Variants in DYM observed in about 807,000 individuals in gnomAD.
DYM encodes the protein dymeclin, also known as dyggve-Melchior-Clausen syndrome protein.
DYM carries 78 observed loss-of-function variants against 93.1 expected under a neutral mutation model. The ratio of observed to expected loss-of-function variants is 0.84; its 90% CI spans 0.70 to 1.01. The LOEUF (loss-of-function observed/expected upper bound fraction) is 1.01. DYM is among the 50% of genes least tolerant of loss of function. The probability of loss-of-function intolerance (pLI) is 0.00; values close to 1 mark genes in which losing one functional copy is unlikely to be tolerated. For missense variants in DYM, 789 were observed against 845.0 expected (o/e 0.93, Z 0.82); for synonymous variants, 321 against 319.7 (o/e 1.00, Z -0.04).
At chr18:49,198,934 T>C (rs1295590430) in intron 14 of DYM, among the ~76,000 whole-genome samples, 1 of 151,946 alleles carries the variant, frequency 6.6e-6, no homozygotes, top group Non-Finnish European at 1.5e-5. Context: ...CACACGTATG[T>C]TTATTGCAGC....
intron 6 of DYM, among the ~76,000 whole-genome samples, chr18:49,351,357 C>T (rs901166162): frequency 1.3e-4 from 19 of 151,288 alleles, no homozygotes; most frequent in Non-Finnish European, 5.9e-5. Flanking sequence ...GGCAACAGAG[C>T]GAGACTCTGT....
chr18:49,159,269 T>C (rs2086814252), intron 15 of DYM, among the ~76,000 whole-genome samples: 1 of 152,162 alleles, frequency 6.6e-6, no homozygotes, highest in Non-Finnish European at 1.5e-5. Context: ...AGAATCTTAA[T>C]AATAGAACAA....
intron 13 of DYM, among the ~76,000 whole-genome samples, chr18:49,252,241 A>AAAAAAAAAAAAAAAAAAAAAAAAAAC (rs1568106559): frequency 6.7e-6 from 1 of 148,446 alleles, no homozygotes; most frequent in African/African-American, 2.5e-5. Flanking sequence ...AAAAAAAAAA[A>AAAAAAAAAAAAAAAAAAAAAAAAAAC]AGAACTGCCT....
At chr18:49,361,752 G>A (rs1448919623) in intron 6 of DYM, among the ~76,000 whole-genome samples, 2 of 151,900 alleles carry the variant, frequency 1.3e-5, no homozygotes, top group Admixed American at 6.6e-5. Context: ...ACGTAGTCTC[G>A]CTCTGTAGCC....
rs11429840 is a variant in DYM at position 49,432,329 on chromosome 18, C to CAA, written c.-53-1884_-53-1883dup. ...CTGGGCGACAAGAGCAAGACTGTCT[C>CAA]AAAAAAAAAAAAAAAAAAAGAAAGA... On this transcript the variant is annotated intron_variant, in intron 1 of 17. Transcript: ENST00000675505. Among the ~76,000 whole-genome samples, 130 of 75,700 alleles carry CAA rather than the reference C, an allele frequency of 1.7e-3. 1 individual carries two copies. Among genetic ancestry groups the CAA allele is most frequent in the East Asian group, 3.0e-3 (8 of 2,692 alleles). 49.7% of individuals were successfully genotyped at this position (75,700 alleles called of 152,430 possible).
At chr18:49,450,941 AAC>A in intron 1 of DYM, among the ~76,000 whole-genome samples, 1 of 152,220 alleles carries the variant, frequency 6.6e-6, no homozygotes, top group Non-Finnish European at 1.5e-5. Flanking sequence ...GCAGGTTTTT[AAC>A]AGCTTTGAAG....
chr18:49,353,897 C>G (rs1011532928), intron 6 of DYM, among the ~76,000 whole-genome samples: 1 of 152,018 alleles, frequency 6.6e-6, no homozygotes, highest in Admixed American at 6.6e-5. Flanking sequence ...CTGCAAGTTA[C>G]TTGGTAGTAA....
intron 15 of DYM, among the ~76,000 whole-genome samples, chr18:49,119,160 A>T (rs2082160496): frequency 6.6e-6 from 1 of 152,224 alleles, no homozygotes. Flanking sequence ...AATTTCATAT[A>T]ATAAATTATA....
intron 15 of DYM, among the ~76,000 whole-genome samples, chr18:49,135,433 G>A (rs963500098): frequency 9.2e-5 from 14 of 152,142 alleles, no homozygotes; most frequent in Non-Finnish European, 1.8e-4. Flanking sequence ...ATATGACCGT[G>A]GGCGAGGGTC....
chr18:49,353,086 C>A (rs556906558), intron 6 of DYM, among the ~76,000 whole-genome samples: 3 of 152,054 alleles, frequency 2.0e-5, no homozygotes, highest in Non-Finnish European at 4.4e-5. Flanking sequence ...GTTTCATTAG[C>A]CGATTTAAAG....
chr18:49,215,913 G>A (rs1439018428), intron 13 of DYM, among the ~76,000 whole-genome samples: 1 of 152,256 alleles, frequency 6.6e-6, no homozygotes, highest in African/African-American at 2.4e-5. Flanking sequence ...GACAGTGGGT[G>A]CAGCGCACCG....
intron 1 of DYM, among the ~76,000 whole-genome samples, chr18:49,437,850 T>C (rs2080997346): frequency 6.6e-6 from 1 of 152,216 alleles, no homozygotes; most frequent in Non-Finnish European, 1.5e-5. Context: ...ATGACTGTTT[T>C]CTATTGGTTT....
intron 16 of DYM, among the ~76,000 whole-genome samples, chr18:49,115,292 C>T (rs540964410): frequency 6.6e-6 from 1 of 152,102 alleles, no homozygotes; most frequent in African/African-American, 2.4e-5. Context: ...ATTGCAGCTA[C>T]TGCAGCTATG....
At chr18:49,374,970 A>T (rs1187950497) in intron 5 of DYM, among the ~76,000 whole-genome samples, 2 of 151,584 alleles carry the variant, frequency 1.3e-5, no homozygotes, top group Non-Finnish European at 2.9e-5. Flanking sequence ...AAAAAAAAAA[A>T]TTGGCTGCCT....
chr18:49,421,220 T>C (rs971327715), intron 2 of DYM, among the ~76,000 whole-genome samples: 7 of 152,140 alleles, frequency 4.6e-5, no homozygotes, highest in Admixed American at 2.6e-4. Context: ...CCCTGACCCC[T>C]GAGTAGCCTA....
chr18:49,311,236 G>T (rs1196680223), intron 8 of DYM, among the ~76,000 whole-genome samples: 1 of 152,112 alleles, frequency 6.6e-6, no homozygotes, highest in East Asian at 1.9e-4. Flanking sequence ...CAACAGGCAG[G>T]CAAACTGCCA....
At chr18:49,348,436 GTCTTAA>G (rs2064801214) in intron 6 of DYM, among the ~76,000 whole-genome samples, 1 of 152,088 alleles carries the variant, frequency 6.6e-6, no homozygotes, top group African/African-American at 2.4e-5. Context: ...ATTTATAAAA[GTCTTAA>G]CACTAGAAGA....
chr18:49,228,410 C>G (rs1258132614), intron 13 of DYM, among the ~76,000 whole-genome samples: 1 of 152,168 alleles, frequency 6.6e-6, no homozygotes, highest in Non-Finnish European at 1.5e-5. Flanking sequence ...AAGGTCTTAA[C>G]TGCTCATTTC....
At chr18:49,398,304 C>T (rs1303971368) in intron 2 of DYM, among the ~76,000 whole-genome samples, 1 of 152,128 alleles carries the variant, frequency 6.6e-6, no homozygotes, top group Non-Finnish European at 1.5e-5. Flanking sequence ...CTCCCTACCC[C>T]TTTTTCTATC....
Sources: allele counts gnomAD v4.1 joint callset (sites outside exome capture counted in the v4.1 genomes callset), GRCh38; gene constraint gnomAD v4.1.1; transcripts MANE v1.5; gene names NCBI Gene and HGNC (gene_info 2026-07-23, HGNC 2026-07-21).